The following LMNTD1 variants were observed in gnomAD, a reference collection of about 807,000 sequenced individuals.
LMNTD1 encodes lamin tail domain-containing protein 1.
LMNTD1 carries 35 observed loss-of-function variants against 50.9 expected under a neutral mutation model. The observed-to-expected ratio is 0.69, with a 90% CI of 0.53 to 0.91. The LOEUF is 0.91. LMNTD1 is among the 40% of genes least tolerant of loss of function. The probability of loss-of-function intolerance (pLI) is 0.00; values close to 1 mark genes in which losing one functional copy is unlikely to be tolerated. For missense variants in LMNTD1, 470 were observed against 475.5 expected (o/e 0.99, Z 0.11); for synonymous variants, 153 against 161.9 (o/e 0.94, Z 0.42).
intron 9 of LMNTD1, among the ~76,000 whole-genome samples, chr12:25,484,041 T>C (rs1938529387): frequency 6.6e-6 from 1 of 151,988 alleles, no homozygotes; most frequent in Non-Finnish European, 1.5e-5. Flanking sequence ...AACAAGTGTA[T>C]TTAAGTCACC....
At chr12:25,490,245 GT>G (rs1938839626) in intron 9 of LMNTD1, among the ~76,000 whole-genome samples, 1 of 152,158 alleles carries the variant, frequency 6.6e-6, no homozygotes, top group Non-Finnish European at 1.5e-5. Context: ...TTCACAATGG[GT>G]TTTTTGCTAG....
chr12:25,621,072 T>C (rs751247250), intron 1 of LMNTD1, among the ~76,000 whole-genome samples: 1 of 152,180 alleles, frequency 6.6e-6, no homozygotes, highest in Non-Finnish European at 1.5e-5. Context: ...TCATCTCTAT[T>C]CATTAGCTGT....
At chr12:25,550,255 T>C (rs1393868647) in intron 2 of LMNTD1, among the ~76,000 whole-genome samples, 1 of 152,216 alleles carries the variant, frequency 6.6e-6, no homozygotes, top group Non-Finnish European at 1.5e-5. Flanking sequence ...CACAATCATT[T>C]GAACAAGGTT....
At chr12:25,566,991 G>A (rs181840100) in intron 1 of LMNTD1, among the ~76,000 whole-genome samples, 2 of 152,290 alleles carry the variant, frequency 1.3e-5, no homozygotes, top group East Asian at 3.9e-4. Flanking sequence ...AAGGCCCTGA[G>A]GTTCCAGTTA....
At chr12:25,549,070 A>G (rs760989424) in intron 3 of LMNTD1, among the ~76,000 whole-genome samples, 4 of 151,968 alleles carry the variant, frequency 2.6e-5, no homozygotes, top group Non-Finnish European at 5.9e-5. Flanking sequence ...CAACTCATGA[A>G]CCATCATGAT....
At chr12:25,630,076 G>C (rs1477592827) in intron 1 of LMNTD1, among the ~76,000 whole-genome samples, 1 of 152,134 alleles carries the variant, frequency 6.6e-6, no homozygotes, top group African/African-American at 2.4e-5. Flanking sequence ...CCACTTTTGG[G>C]GGGAGGAGAA....
chr12:25,526,707 T>C (rs949890142), intron 5 of LMNTD1, 62 bp downstream of exon 5: 10 of 1,104,006 alleles, frequency 9.1e-6, no homozygotes, highest in South Asian at 1.7e-5. Context: ...CCACAGACTG[T>C]CAGTGTCAAC....
chr12:25,503,402 G>T (rs1165134023), intron 9 of LMNTD1, among the ~76,000 whole-genome samples: 1 of 152,214 alleles, frequency 6.6e-6, no homozygotes, highest in African/African-American at 2.4e-5. Context: ...GAATTAAAAT[G>T]TACTGGTGTA....
chr12:25,617,232 T>A (rs1159105363), intron 1 of LMNTD1, among the ~76,000 whole-genome samples: 1 of 152,234 alleles, frequency 6.6e-6, no homozygotes, highest in Admixed American at 6.5e-5. Flanking sequence ...GAGGCCCTGA[T>A]GGGCACAGAG....
intron 1 of LMNTD1, among the ~76,000 whole-genome samples, chr12:25,559,743 T>A (rs1944208279): frequency 6.6e-6 from 1 of 152,248 alleles, no homozygotes; most frequent in Non-Finnish European, 1.5e-5. Context: ...CCATTCTAAC[T>A]GGTGTGAGAT....
At chr12:25,593,752 G>A (rs984142017) in intron 1 of LMNTD1, among the ~76,000 whole-genome samples, 1 of 150,378 alleles carries the variant, frequency 6.6e-6, no homozygotes, top group African/African-American at 2.4e-5. Flanking sequence ...TAATTATTAA[G>A]TTAATCAGGG....
At chr12:25,488,712 C>T (rs1373152122) in intron 9 of LMNTD1, among the ~76,000 whole-genome samples, 3 of 152,172 alleles carry the variant, frequency 2.0e-5, no homozygotes, top group East Asian at 1.9e-4. Flanking sequence ...AGGCACTCTG[C>T]GTTTTAGAGT....
chr12:25,509,743 A>G (rs935182709), intron 8 of LMNTD1, among the ~76,000 whole-genome samples: 2 of 152,198 alleles, frequency 1.3e-5, no homozygotes, highest in African/African-American at 4.8e-5. Context: ...TAAAGAAGAG[A>G]GAAATTGGAC....
intron 1 of LMNTD1, among the ~76,000 whole-genome samples, chr12:25,606,800 T>A (rs1222328254): frequency 6.6e-6 from 1 of 152,098 alleles, no homozygotes; most frequent in Non-Finnish European, 1.5e-5. Context: ...TCTCTTTTTT[T>A]GTTGTGTCTC....
At chr12:25,607,511 T>C (rs766984026) in intron 1 of LMNTD1, among the ~76,000 whole-genome samples, 1 of 152,184 alleles carries the variant, frequency 6.6e-6, no homozygotes, top group Non-Finnish European at 1.5e-5. Context: ...TTAAATGTGT[T>C]CCAGAGATTC....
At chr12:25,576,411 T>C (rs1333509394) in intron 1 of LMNTD1, among the ~76,000 whole-genome samples, 1 of 152,246 alleles carries the variant, frequency 6.6e-6, no homozygotes, top group Non-Finnish European at 1.5e-5. Flanking sequence ...TATCTCATTG[T>C]GGTTTTGACT....
intron 4 of LMNTD1, among the ~76,000 whole-genome samples, chr12:25,543,811 T>C (rs1943257943): frequency 1.3e-5 from 2 of 151,918 alleles, no homozygotes; most frequent in Admixed American, 6.6e-5. Context: ...TTTCAAGACA[T>C]TTTTAAATTT....
At chr12:25,629,661 G>A (rs752480034) in intron 1 of LMNTD1, among the ~76,000 whole-genome samples, 6 of 152,142 alleles carry the variant, frequency 3.9e-5, no homozygotes, top group African/African-American at 1.4e-4. Flanking sequence ...TATTTGGAAC[G>A]GAGTGTGAGG....
intron 8 of LMNTD1, among the ~76,000 whole-genome samples, chr12:25,508,111 G>GTTCA (rs61162999): frequency 0.66 from 99,212 of 151,112 alleles, 32,941 homozygotes; most frequent in Non-Finnish European, 0.71. Flanking sequence ...AGTTTTTATT[G>GTTCA]TTAAGTTTTT....
Sources: allele counts gnomAD v4.1 joint callset (sites outside exome capture counted in the v4.1 genomes callset), GRCh38; gene constraint gnomAD v4.1.1; transcripts MANE v1.5; gene names NCBI Gene and HGNC (gene_info 2026-07-23, HGNC 2026-07-21).